The following GBE1 variants were observed in gnomAD, a reference collection of about 807,000 sequenced individuals.
GBE1 encodes 1,4-alpha-glucan branching enzyme 1, also known as 1,4-alpha-glucan-branching enzyme.
In GBE1, 70 loss-of-function variants were observed where a neutral mutation model predicts 88.8. The ratio of observed to expected loss-of-function variants is 0.79; its 90% confidence interval spans 0.65 to 0.96. The LOEUF (loss-of-function observed/expected upper bound fraction) is 0.96, where lower values mean the gene tolerates loss of function less well. GBE1 is among the 40% of genes least tolerant of loss of function. The pLI is 0.00. For synonymous variants in GBE1, 284 were observed against 300.1 expected, an observed-to-expected ratio of 0.95 and a Z score of 0.56; for missense variants, 872 against 871.0, an observed-to-expected ratio of 1.00 and a Z score of -0.01.
chr3:81,588,281 T>C (rs867804471), intron 9 of GBE1, among the ~76,000 whole-genome samples: 2 of 152,138 alleles, frequency 1.3e-5, no homozygotes, highest in Non-Finnish European at 1.5e-5. Flanking sequence ...TTTATCAAAA[T>C]ATAAGTCATA....
intron 12 of GBE1, among the ~76,000 whole-genome samples, chr3:81,557,891 C>T (rs1703368538): frequency 6.6e-6 from 1 of 151,860 alleles, no homozygotes; most frequent in African/African-American, 2.4e-5. Flanking sequence ...GAAGGAGAAC[C>T]TGAGGAGTCA....
chr3:81,563,592 C>T (rs186369095), intron 12 of GBE1, among the ~76,000 whole-genome samples: 1 of 152,096 alleles, frequency 6.6e-6, no homozygotes, highest in Non-Finnish European at 1.5e-5. Flanking sequence ...CAATCTATTC[C>T]CCTGCACCAG....
intron 12 of GBE1, among the ~76,000 whole-genome samples, chr3:81,553,314 T>C (rs1703299791): frequency 7.5e-6 from 1 of 132,926 alleles, no homozygotes; most frequent in African/African-American, 3.3e-5. Flanking sequence ...TCTCCTGTGC[T>C]TCCACTTGCA....
intron 1 of GBE1, among the ~76,000 whole-genome samples, chr3:81,752,988 C>A (rs774332789): frequency 6.6e-6 from 1 of 152,138 alleles, no homozygotes; most frequent in Admixed American, 6.5e-5. Flanking sequence ...CACATGTATT[C>A]TTAGTCCTCA....
At chr3:81,625,288 A>G (rs1377853664) in intron 7 of GBE1, among the ~76,000 whole-genome samples, 2 of 152,074 alleles carry the variant, frequency 1.3e-5, no homozygotes, top group East Asian at 1.9e-4. Context: ...TGACATTCCT[A>G]TTTTTGCATT....
chr3:81,501,686 CTTTTTTTTTTTTTTTTTT>C (rs35149061), intron 14 of GBE1, among the ~76,000 whole-genome samples: 2 of 71,994 alleles, frequency 2.8e-5, no homozygotes, highest in Non-Finnish European at 4.9e-5. Flanking sequence ...CTTAGGGGCA[CTTTTTTTTTTTTTTTTTT>C]TTTTTTTTTT....
intron 7 of GBE1, among the ~76,000 whole-genome samples, chr3:81,642,077 C>G (rs1466092025): frequency 5.3e-5 from 8 of 151,392 alleles, no homozygotes; most frequent in Non-Finnish European, 8.9e-5. Context: ...TTTAACTTGT[C>G]TTTTTAATTT....
chr3:81,745,204 T>C (rs1464632740), intron 1 of GBE1, among the ~76,000 whole-genome samples: 2 of 152,188 alleles, frequency 1.3e-5, no homozygotes, highest in African/African-American at 4.8e-5. Flanking sequence ...AAAGCAACTT[T>C]GATAATATTA....
chr3:81,680,001 C>T (rs1705315014), intron 2 of GBE1, among the ~76,000 whole-genome samples: 1 of 152,092 alleles, frequency 6.6e-6, no homozygotes, highest in African/African-American at 2.4e-5. Flanking sequence ...CATTTCTTAC[C>T]CTCCCTCTCA....
rs1173820976 is a variant in GBE1 at position 81,702,100 on chromosome 3, AGAGTGTGTGTGTGTGTGTGTGTGT to A, written c.313+3320_313+3343del. 1.6e-4 allele frequency among the ~76,000 whole-genome samples: 12 copies of A among 76,290 alleles called. 1 individual carries two copies. The South Asian group carries it at 3.6e-3, about 23-fold the overall frequency. The allele number at this position is 76,290 out of a possible 152,430, so 50.0% of individuals were successfully genotyped here. ...AATCCCTGGAGAGAGAGAGAGAGAG[AGAGTGTGTGTGTGTGTGTGTGTGT>A]GTGTGTGTGTGTGTGTGTGTGTGTG... On this transcript the variant is annotated intron_variant, in intron 2 of 15. Transcript: ENST00000429644.
chr3:81,659,599 C>T (rs529251687), intron 3 of GBE1, among the ~76,000 whole-genome samples: 3 of 151,014 alleles, frequency 2.0e-5, no homozygotes, highest in African/African-American at 7.3e-5. Context: ...CCGCCCACCT[C>T]GGCCTCCCAA....
intron 3 of GBE1, among the ~76,000 whole-genome samples, chr3:81,651,222 T>C (rs1386550456): frequency 6.6e-6 from 1 of 152,208 alleles, no homozygotes; most frequent in Non-Finnish European, 1.5e-5. Flanking sequence ...AGAAAATCTT[T>C]GTGACCTAAA....
chr3:81,576,263 T>A (rs916040713), intron 12 of GBE1, among the ~76,000 whole-genome samples: 1 of 151,852 alleles, frequency 6.6e-6, no homozygotes, highest in African/African-American at 2.4e-5. Context: ...ATAATCATAG[T>A]TATCAAATAG....
chr3:81,585,024 AT>A (rs1028069750), intron 10 of GBE1, among the ~76,000 whole-genome samples: 1 of 151,944 alleles, frequency 6.6e-6, no homozygotes, highest in South Asian at 2.1e-4. Flanking sequence ...AAACTACAGC[AT>A]TTTTTTTAAA....
chr3:81,550,686 C>A (rs373556403), intron 12 of GBE1, among the ~76,000 whole-genome samples: 1 of 152,164 alleles, frequency 6.6e-6, no homozygotes, highest in African/African-American at 2.4e-5. Context: ...ACCAACATGG[C>A]AATGAGAGTG....
At chr3:81,577,511 A>G (rs1432281371) in intron 12 of GBE1, among the ~76,000 whole-genome samples, 2 of 152,192 alleles carry the variant, frequency 1.3e-5, no homozygotes, top group Non-Finnish European at 2.9e-5. Context: ...TTATAACACA[A>G]GTATACTGGT....
At chr3:81,607,765 C>T (rs1014311475) in intron 7 of GBE1, among the ~76,000 whole-genome samples, 1 of 152,068 alleles carries the variant, frequency 6.6e-6, no homozygotes, top group African/African-American at 2.4e-5. Context: ...AAATGTCATC[C>T]ATTATGCAAT....
chr3:81,708,111 T>C (rs1222690974), intron 1 of GBE1, among the ~76,000 whole-genome samples: 1 of 151,970 alleles, frequency 6.6e-6, no homozygotes, highest in Non-Finnish European at 1.5e-5. Flanking sequence ...TTTTACTGAG[T>C]ATGTAAAACT....
chr3:81,663,822 G>A (rs1025316058), intron 3 of GBE1, among the ~76,000 whole-genome samples: 1 of 152,094 alleles, frequency 6.6e-6, no homozygotes, highest in Non-Finnish European at 1.5e-5. Flanking sequence ...TTTGAGCAGC[G>A]GGGCACTGAA....
Sources: allele counts gnomAD v4.1 joint callset (sites outside exome capture counted in the v4.1 genomes callset), GRCh38; gene constraint gnomAD v4.1.1; transcripts MANE v1.5; gene names NCBI Gene and HGNC (gene_info 2026-07-23, HGNC 2026-07-21).